The following ZNF407 variants were observed in gnomAD, a reference collection of about 807,000 sequenced individuals.
ZNF407 encodes zinc finger protein 407.
A neutral mutation model predicts 131.2 loss-of-function variants in ZNF407; 17 were observed. That is an observed-to-expected ratio of 0.13 (90% CI 0.09 to 0.19). The LOEUF is 0.19. Among genes scored for constraint, ZNF407 ranks in the 10% least tolerant of loss-of-function variants. The probability of loss-of-function intolerance (pLI) is 1.00; values close to 1 mark genes in which losing one functional copy is unlikely to be tolerated. For missense variants in ZNF407, 2,681 were observed against 2,830.6 expected, an observed-to-expected ratio of 0.95 and a Z score of 1.20; for synonymous variants, 1,156 against 1,062.0, an observed-to-expected ratio of 1.09 and a Z score of -1.72.
rs1970968755 is a variant in ZNF407 at position 74,863,629 on chromosome 18, CTA to C, written c.4878-13566_4878-13565del. Among the ~76,000 whole-genome samples, 3 of 152,226 alleles carry C rather than the reference CTA, an allele frequency of 2.0e-5. No individual in the cohort carries two copies. In the East Asian group the frequency reaches 5.8e-4, roughly 29 times the overall value. On this transcript the variant is annotated intron_variant, in intron 4 of 8. Coordinates refer to ENST00000299687, the MANE Select transcript of ZNF407 (RefSeq NM_017757.3). ...AACAAAACCATTCTTTATATTGCTACTATCTTTTTATTAAGGATTTTTCAGAC... is the reference window on the plus strand; with the variant it reads ...AACAAAACCATTCTTTATATTGCTACTCTTTTTATTAAGGATTTTTCAGAC...
At chr18:74,927,711 G>A (rs1268775783) in intron 8 of ZNF407, among the ~76,000 whole-genome samples, 1 of 152,178 alleles carries the variant, frequency 6.6e-6, no homozygotes, top group Non-Finnish European at 1.5e-5. Context: ...AAAGTTACTG[G>A]ATTTTGTTAC....
intron 8 of ZNF407, among the ~76,000 whole-genome samples, chr18:75,059,774 A>C (rs547234286): frequency 7.6e-6 from 1 of 131,996 alleles, no homozygotes; most frequent in Non-Finnish European, 1.6e-5. Context: ...GACCTCTCCG[A>C]GGAGAGAATA....
intron 4 of ZNF407, among the ~76,000 whole-genome samples, chr18:74,862,875 AT>A: frequency 6.8e-6 from 1 of 147,172 alleles, no homozygotes; most frequent in Non-Finnish European, 1.5e-5. Context: ...ATGTGTTAAT[AT>A]TTTTGCCTGT....
chr18:74,734,278 C>G (rs1413418290), intron 3 of ZNF407, among the ~76,000 whole-genome samples: 1 of 152,188 alleles, frequency 6.6e-6, no homozygotes, highest in African/African-American at 2.4e-5. Context: ...GGGTCCTGTC[C>G]ATCACCTCAC....
chr18:74,850,962 A>G (rs989559574), intron 4 of ZNF407, among the ~76,000 whole-genome samples: 1 of 152,212 alleles, frequency 6.6e-6, no homozygotes, highest in East Asian at 1.9e-4. Flanking sequence ...ATTAGAATTC[A>G]AACTGTATAT....
At chr18:74,987,023 T>C (rs1205781018) in intron 8 of ZNF407, among the ~76,000 whole-genome samples, 1 of 152,196 alleles carries the variant, frequency 6.6e-6, no homozygotes, top group East Asian at 1.9e-4. Context: ...TTTTGAGCTT[T>C]TTAAAAATAT....
At chr18:74,845,195 A>T (rs1199440318) in intron 4 of ZNF407, among the ~76,000 whole-genome samples, 1 of 152,214 alleles carries the variant, frequency 6.6e-6, no homozygotes, top group Non-Finnish European at 1.5e-5. Flanking sequence ...ATTTATAATA[A>T]TTGAAAAGAA....
At chr18:74,598,770 C>T (rs1306531909) in intron 1 of ZNF407, among the ~76,000 whole-genome samples, 1 of 152,262 alleles carries the variant, frequency 6.6e-6, no homozygotes, top group African/African-American at 2.4e-5. Context: ...CTCTTTCCAG[C>T]CAGCTAGCAC....
At position 74,701,935 on chromosome 18, in the gene ZNF407, A is replaced by G. The variant is rs1361809872; in HGVS notation, c.4802+60813A>G. Among the ~76,000 whole-genome samples the G allele has an allele frequency of 2.0e-5, 3 of 152,242 alleles. No homozygotes were observed. The East Asian group carries it at 5.8e-4, about 29-fold the overall frequency. On this transcript the variant is annotated intron_variant, in intron 3 of 8. Coordinates refer to ENST00000299687, the MANE Select transcript of ZNF407 (RefSeq NM_017757.3). ...TTTATTTTGTGAATCTTGAATTTCA[A>G]ACTTAAAAGTAGAGTTTGTGGTTTA... is the stretch of plus-strand genomic sequence containing the variant.
intron 3 of ZNF407, among the ~76,000 whole-genome samples, chr18:74,706,946 T>A (rs1459175169): frequency 2.8e-4 from 4 of 14,410 alleles, no homozygotes; most frequent in African/African-American, 4.8e-4. Flanking sequence ...GCAGCTTTTT[T>A]TTTTTTTTTT....
Position 74,634,346 on chromosome 18 carries a change from A to G in ZNF407, c.3327A>G (p.Gln1109=), listed in dbSNP as rs374050005. The part of the protein sequence containing the change: ...EEHQQNSEEF[Q]IISGQPSDTL... ...ATCAACAAAATTCTGAGGAATTTCA[A>G]ATAATTTCAGGTCAACCATCTGATA... Residue 1109 remains glutamine (Q), a synonymous_variant, in exon 2 of 9, where the codon CAA becomes CAG. Transcript: ENST00000299687. 86 of 1,613,962 alleles carry G rather than the reference A, an allele frequency of 5.3e-5. No individual in the cohort carries two copies. The highest frequency in any genetic ancestry group is 1.6e-4 in the Middle Eastern group (1 of 6,062).
intron 3 of ZNF407, among the ~76,000 whole-genome samples, chr18:74,773,390 T>C (rs1429318870): frequency 3.6e-5 from 5 of 139,998 alleles, no homozygotes; most frequent in Admixed American, 3.4e-4. Flanking sequence ...AAAGAAGAAA[T>C]TGACAATAGT....
At chr18:74,757,485 T>A (rs993877109) in intron 3 of ZNF407, among the ~76,000 whole-genome samples, 3 of 152,088 alleles carry the variant, frequency 2.0e-5, no homozygotes, top group Non-Finnish European at 4.4e-5. Flanking sequence ...GACTTCTAAT[T>A]TTATTGTATA....
intron 8 of ZNF407, among the ~76,000 whole-genome samples, chr18:74,940,542 A>G (rs1972085217): frequency 6.6e-6 from 1 of 152,164 alleles, no homozygotes; most frequent in African/African-American, 2.4e-5. Flanking sequence ...CTTGAAAGGT[A>G]TGTTGAGGAT....
chr18:75,009,648 A>G lies in ZNF407; in HGVS notation c.5429-53502A>G, dbSNP rs954786424. Among the ~76,000 whole-genome samples, 41 of 152,340 alleles carry G rather than the reference A, an allele frequency of 2.7e-4. 1 individual carries two copies. The highest frequency in any genetic ancestry group is 8.2e-4 in the African/African-American group (34 of 41,574). On this transcript the variant is annotated intron_variant, in intron 8 of 8. Transcript: ENST00000299687. The stretch of plus-strand genomic sequence containing the variant: ...TGCCAGGCACTGCTGTAAGCTTTCT[A>G]CAAATATAAAATCATTTATTCTTCA...
intron 1 of ZNF407, among the ~76,000 whole-genome samples, chr18:74,610,823 A>C (rs760634110): frequency 6.6e-6 from 1 of 152,042 alleles, no homozygotes; most frequent in Non-Finnish European, 1.5e-5. Flanking sequence ...CGAAGTGCTG[A>C]TATTACAGGC....
chr18:74,695,349 G>A (rs1034307274), intron 3 of ZNF407, among the ~76,000 whole-genome samples: 1 of 152,086 alleles, frequency 6.6e-6, no homozygotes, highest in Non-Finnish European at 1.5e-5. Context: ...CGTTCTTCTC[G>A]TAGTCAGGAT....
chr18:74,807,338 C>A (rs1486945283), intron 4 of ZNF407, among the ~76,000 whole-genome samples: 1 of 152,124 alleles, frequency 6.6e-6, no homozygotes, highest in African/African-American at 2.4e-5. Flanking sequence ...CTGTAACACA[C>A]ATACAGGCCA....
At chr18:75,053,359 C>T (rs915817612) in intron 8 of ZNF407, among the ~76,000 whole-genome samples, 2 of 152,218 alleles carry the variant, frequency 1.3e-5, no homozygotes, top group Non-Finnish European at 2.9e-5. Flanking sequence ...TCCCTCTGAA[C>T]TTCCCTTGCT....
Sources: gnomAD v4.1 joint callset for allele counts (sites outside exome capture counted in the v4.1 genomes callset) on GRCh38, gnomAD v4.1.1 for gene constraint, MANE v1.5 for transcripts, NCBI Gene and HGNC (gene_info 2026-07-23, HGNC 2026-07-21) for gene names.